RHPN2: variants seen among roughly 807,000 people sequenced by gnomAD.
RHPN2 encodes the protein rhophilin Rho GTPase binding protein 2, also known as rhophilin-2.
A neutral mutation model predicts 79.0 loss-of-function variants in RHPN2; 40 were observed. The observed-to-expected ratio is 0.51, with a 90% CI of 0.39 to 0.66. The LOEUF (loss-of-function observed/expected upper bound fraction) is 0.66. Ranked by LOEUF, RHPN2 falls within the 30% of genes least tolerant of loss-of-function variation. The probability of loss-of-function intolerance (pLI) is 0.00; values close to 1 mark genes in which losing one functional copy is unlikely to be tolerated. For synonymous variants in RHPN2, 285 were observed against 363.5 expected, an observed-to-expected ratio of 0.78 and a Z score of 2.46; for missense variants, 686 against 883.5, an observed-to-expected ratio of 0.78 and a Z score of 2.83.
At chr19:33,025,243 C>T (rs1042882478) in intron 3 of RHPN2, among the ~76,000 whole-genome samples, 3 of 147,114 alleles carry the variant, frequency 2.0e-5, no homozygotes, top group Non-Finnish European at 4.5e-5. Context: ...GAGGCCAAGG[C>T]GGGCAGATTA....
chr19:32,992,103 A>G (rs1366592343), intron 12 of RHPN2, 134 bp from the exon 13 acceptor site: 8 of 913,168 alleles, frequency 8.8e-6, no homozygotes, highest in Non-Finnish European at 1.4e-5. Flanking sequence ...ATCTGGGGGC[A>G]TACATGCTAC....
intron 1 of RHPN2, among the ~76,000 whole-genome samples, chr19:33,045,050 CTTTTT>C (rs367927850): frequency 7.9e-6 from 1 of 127,306 alleles, no homozygotes. Flanking sequence ...TGAGTATCTA[CTTTTT>C]TTTTTTTTTT....
chr19:33,034,449 CA>C (rs1326313608), intron 2 of RHPN2, among the ~76,000 whole-genome samples: 6 of 151,518 alleles, frequency 4.0e-5, no homozygotes, highest in Non-Finnish European at 4.4e-5. Flanking sequence ...ACTAAAAATA[CA>C]AAAAAATTAG....
chr19:32,991,551 G>C (rs1321557116), intron 13 of RHPN2: 27 of 445,750 alleles, frequency 6.1e-5, no homozygotes, highest in Non-Finnish European at 9.9e-5. Flanking sequence ...AGAATCACTT[G>C]AAACCAGGAA....
chr19:33,029,627 C>A (rs1261234739), intron 2 of RHPN2, among the ~76,000 whole-genome samples: 2 of 151,588 alleles, frequency 1.3e-5, no homozygotes, highest in East Asian at 3.9e-4. Flanking sequence ...CAAATCAATT[C>A]AATGTGGAAA....
At chr19:33,061,582 C>T (rs1304328342) in intron 1 of RHPN2, among the ~76,000 whole-genome samples, 1 of 151,130 alleles carries the variant, frequency 6.6e-6, no homozygotes, top group Non-Finnish European at 1.5e-5. Context: ...CTCCTGGGTT[C>T]AAGCGAGTCT....
chr19:32,983,164 C>CACACACACAA (rs976733759), intron 14 of RHPN2, among the ~76,000 whole-genome samples: 1 of 54,698 alleles, frequency 1.8e-5, no homozygotes, highest in African/African-American at 8.0e-5. Context: ...CACACACAAA[C>CACACACACAA]ACACACACAC....
chr19:32,980,889 G>A (rs1324386703), intron 14 of RHPN2, among the ~76,000 whole-genome samples: 3 of 151,982 alleles, frequency 2.0e-5, no homozygotes, highest in Admixed American at 2.0e-4. Flanking sequence ...CCAGGCTGGA[G>A]TGTAGTGGTA....
intron 1 of RHPN2, among the ~76,000 whole-genome samples, chr19:33,046,624 G>A (rs1217433748): frequency 6.6e-6 from 1 of 152,130 alleles, no homozygotes; most frequent in African/African-American, 2.4e-5. Context: ...GCTCTTCAAA[G>A]TGGTTATACA....
intron 1 of RHPN2, among the ~76,000 whole-genome samples, chr19:33,063,269 C>CT (rs75270802): frequency 4.3e-3 from 636 of 146,454 alleles, no homozygotes; most frequent in East Asian, 0.014. Flanking sequence ...CTCAAAACTA[C>CT]TTTTTTTTTT....
At chr19:33,055,070 G>A (rs1333017042) in intron 1 of RHPN2, among the ~76,000 whole-genome samples, 1 of 152,124 alleles carries the variant, frequency 6.6e-6, no homozygotes, top group Non-Finnish European at 1.5e-5. Flanking sequence ...TTAAGATCTG[G>A]CTTAGGGCTG....
chr19:33,005,607 C>CAAAA (rs576054331), intron 7 of RHPN2, among the ~76,000 whole-genome samples: 2 of 62,558 alleles, frequency 3.2e-5, no homozygotes, highest in Non-Finnish European at 6.0e-5. Context: ...TGTTGCTGAG[C>CAAAA]AAAAAAAAAA....
At chr19:33,053,041 G>A (rs957622866) in intron 1 of RHPN2, among the ~76,000 whole-genome samples, 3 of 150,710 alleles carry the variant, frequency 2.0e-5, no homozygotes, top group African/African-American at 4.9e-5. Context: ...GTGTGATCTC[G>A]GCTCACTGCA....
At chr19:33,063,306 AAAG>A (rs1021738775) in intron 1 of RHPN2, among the ~76,000 whole-genome samples, 9 of 152,114 alleles carry the variant, frequency 5.9e-5, no homozygotes, top group South Asian at 4.1e-4. Flanking sequence ...ACTTCACAAA[AAAG>A]AAGTTTTCCC....
At position 33,021,618 on chromosome 19, in the gene RHPN2, G is replaced by C; in HGVS notation, c.343C>G (p.Leu115Val). 1.2e-6 allele frequency: 2 copies of C among 1,613,960 alleles called. No homozygotes were observed. Among genetic ancestry groups the C allele is most frequent in the Non-Finnish European group, 1.7e-6 (2 of 1,179,872 alleles). ...ACGTCTTTCGTTTCCTTCAGGCCAA[G>C]AGGAATCAGGGGAATCGTAAATGCC... ...EEAFTIPLIP[L>V]GLKETKDVDF... The change falls in exon 4 of 15, where the codon CTT (leucine) becomes GTT (valine). Residue 115 changes from leucine to valine, a missense_variant. Physicochemically the swap from Leu to Val is conservative, Grantham distance 32 (BLOSUM62 1). Coordinates refer to ENST00000254260, the MANE Select transcript of RHPN2 (RefSeq NM_033103.5).
rs902885702 is a variant in RHPN2 at position 33,011,614 on chromosome 19, G to A, written c.593+65C>T. The stretch of plus-strand genomic sequence containing the variant: ...GCACCCGCAGAGGGGCGTCTGTGAT[G>A]CTGAGGCTCCAAAATTGTGGCTGCC... On this transcript the variant is annotated intron_variant, in intron 6 of 14. Transcript: ENST00000254260. 1.9e-6 allele frequency: 3 copies of A among 1,611,278 alleles called. No individual in the cohort carries two copies. The African/African-American group carries it at 4.0e-5, about 22-fold the overall frequency.
At chr19:33,040,894 C>T (rs1039300645) in intron 2 of RHPN2, among the ~76,000 whole-genome samples, 2 of 152,030 alleles carry the variant, frequency 1.3e-5, no homozygotes, top group South Asian at 2.1e-4. Flanking sequence ...GTGGAGGTTG[C>T]GCAGGTGAGC....
At chr19:33,063,067 C>T (rs1021791253) in intron 1 of RHPN2, among the ~76,000 whole-genome samples, 1 of 152,110 alleles carries the variant, frequency 6.6e-6, no homozygotes, top group Non-Finnish European at 1.5e-5. Flanking sequence ...GAGGCAGCAA[C>T]TTGCGGGAGG....
chr19:33,051,607 G>T (rs1972188587), intron 1 of RHPN2: 1 of 181,188 alleles, frequency 5.5e-6, no homozygotes, highest in South Asian at 1.1e-4. Context: ...TGTGTGCCCA[G>T]AGAAAAGCCT....
Sources: allele counts gnomAD v4.1 joint callset (sites outside exome capture counted in the v4.1 genomes callset), GRCh38; gene constraint gnomAD v4.1.1; transcripts MANE v1.5; gene names NCBI Gene and HGNC (gene_info 2026-07-23, HGNC 2026-07-21).